MOGAT1: variants seen among roughly 807,000 people sequenced by gnomAD.
MOGAT1 encodes the protein 2-acylglycerol O-acyltransferase 1.
A neutral mutation model predicts 31.4 loss-of-function variants in MOGAT1; 32 were observed. The observed-to-expected ratio is 1.02, with a 90% CI of 0.77 to 1.37. MOGAT1 has a LOEUF of 1.37. MOGAT1 is among the 40% of genes most tolerant of loss of function. The pLI is 0.00. For missense variants in MOGAT1, 426 were observed against 402.0 expected (o/e 1.06, Z -0.51); for synonymous variants, 145 against 144.5 (o/e 1.00, Z -0.03).
At position 222,709,797 on chromosome 2, in the gene MOGAT1, AC is replaced by A; in HGVS notation, c.916del (p.His306IlefsTer29). 6.2e-7 allele frequency: 1 copy of A among 1,613,638 alleles called. No homozygotes were observed. Among genetic ancestry groups the A allele is most frequent in the Non-Finnish European group, 8.5e-7 (1 of 1,179,672 alleles). On this transcript the variant is annotated frameshift_variant, in exon 6 of 6. Coordinates refer to ENST00000446656, the MANE Select transcript of MOGAT1 (RefSeq NM_058165.3). LOFTEE classifies it high-confidence loss of function. ...CGACCCAGGAGCAGATTGAGGAGTT[AC>A]ATCAGACCTATATGGAGGAACTTAG... ...NPTQEQIEEL[H>X]QTYMEELRKL...
At chr2:222,690,672 C>T (rs1348288172) in intron 3 of MOGAT1, among the ~76,000 whole-genome samples, 1 of 152,182 alleles carries the variant, frequency 6.6e-6, no homozygotes. Flanking sequence ...TCACTAAGCA[C>T]CCAGGTACCA....
At chr2:222,707,714 T>C (rs1693027494) in intron 5 of MOGAT1, among the ~76,000 whole-genome samples, 1 of 152,220 alleles carries the variant, frequency 6.6e-6, no homozygotes, top group East Asian at 1.9e-4. Context: ...GAAAACCACA[T>C]GAGCTTTTCA....
At chr2:222,692,759 T>C (rs971191845) in intron 3 of MOGAT1, among the ~76,000 whole-genome samples, 1 of 151,886 alleles carries the variant, frequency 6.6e-6, no homozygotes, top group African/African-American at 2.4e-5. Context: ...CCCTAAGAAA[T>C]AGCAGCATTG....
chr2:222,681,604 T>A (rs1177054318), intron 1 of MOGAT1, among the ~76,000 whole-genome samples: 1 of 152,154 alleles, frequency 6.6e-6, no homozygotes, highest in Non-Finnish European at 1.5e-5. Context: ...GTTACTAACA[T>A]GATCAGTCAC....
chr2:222,674,070 T>G (rs1443534042), intron 1 of MOGAT1, among the ~76,000 whole-genome samples: 1 of 152,174 alleles, frequency 6.6e-6, no homozygotes, highest in East Asian at 1.9e-4. Context: ...ATGAAGGAAC[T>G]AGGAGATAAA....
chr2:222,674,183 T>C (rs1414109661), intron 1 of MOGAT1, among the ~76,000 whole-genome samples: 2 of 152,344 alleles, frequency 1.3e-5, no homozygotes, highest in Admixed American at 1.3e-4. Flanking sequence ...CTCAATGACC[T>C]GTGTCTAATT....
intron 5 of MOGAT1, among the ~76,000 whole-genome samples, chr2:222,701,260 A>G (rs914249050): frequency 2.1e-5 from 3 of 145,180 alleles, no homozygotes; most frequent in Non-Finnish European, 4.5e-5. Flanking sequence ...ACTGTCTTGA[A>G]AGAAAGAGAG....
In MOGAT1 at chr2:222,694,246, G is replaced by A. The variant is rs1692808386; in HGVS notation, c.479-116G>A. 6.6e-6 allele frequency: 6 copies of A among 914,488 alleles called. No homozygotes were observed. The African/African-American group carries it at 6.8e-5, about 10-fold the overall frequency. 56.6% of individuals were successfully genotyped at this position (914,488 alleles called of 1,614,324 possible). A position where few individuals can be genotyped will look rare whatever the true frequency, so the allele number is the denominator to read the frequency against. ...TTACAAACTTACAAAGTGCTCCAAA[G>A]GTAAGCAGTGTAGGAAATTTTGTTA... On this transcript the variant is annotated intron_variant, in intron 3 of 5. Transcript: ENST00000446656.
intron 1 of MOGAT1, among the ~76,000 whole-genome samples, chr2:222,682,118 CCACACA>C (rs10572442): frequency 4.0e-5 from 6 of 150,858 alleles, no homozygotes; most frequent in African/African-American, 7.3e-5. Flanking sequence ...CTCCCTCTCA[CCACACA>C]CACACACACA....
At chr2:222,688,548 T>C (rs376863058) in intron 2 of MOGAT1, 26 bp downstream of exon 2, 114 of 1,524,848 alleles carry the variant, frequency 7.5e-5, no homozygotes, top group Non-Finnish European at 3.2e-5. Flanking sequence ...TTATAAAGTA[T>C]TATTTTGATT....
chr2:222,700,922 C>T (rs928298903), intron 5 of MOGAT1, among the ~76,000 whole-genome samples: 1 of 152,188 alleles, frequency 6.6e-6, no homozygotes, highest in Non-Finnish European at 1.5e-5. Flanking sequence ...CATCTCAGAG[C>T]GGCAAGTTAT....
chr2:222,703,829 GAT>G (rs955294836), intron 5 of MOGAT1, among the ~76,000 whole-genome samples: 1 of 109,038 alleles, frequency 9.2e-6, no homozygotes, highest in African/African-American at 3.2e-5. Flanking sequence ...GTAAAACAAA[GAT>G]TTTTTTTTTT....
At chr2:222,683,273 G>A (rs13389418) in intron 1 of MOGAT1, among the ~76,000 whole-genome samples, 2,365 of 152,124 alleles carry the variant, frequency 0.016, 59 homozygotes, top group African/African-American at 0.054. Flanking sequence ...GAGGAATGGG[G>A]AGTAACTGCT....
chr2:222,706,473 A>T (rs113164801), intron 5 of MOGAT1, among the ~76,000 whole-genome samples: 1 of 149,794 alleles, frequency 6.7e-6, no homozygotes. Context: ...ACTCTGTATA[A>T]AAAAAAAAAA....
chr2:222,694,096 C>T (rs1692806071), intron 3 of MOGAT1, among the ~76,000 whole-genome samples: 1 of 152,114 alleles, frequency 6.6e-6, no homozygotes, highest in South Asian at 2.1e-4. Context: ...TAGTGCACAA[C>T]CTACCTAAAC....
chr2:222,699,969 G>A (rs1417349593), intron 5 of MOGAT1, among the ~76,000 whole-genome samples: 4 of 152,184 alleles, frequency 2.6e-5, no homozygotes, highest in Non-Finnish European at 4.4e-5. Context: ...GATCAGTTAG[G>A]GTAATGGGAA....
intron 1 of MOGAT1, among the ~76,000 whole-genome samples, chr2:222,686,534 T>C (rs1266886980): frequency 3.3e-5 from 5 of 152,160 alleles, no homozygotes; most frequent in African/African-American, 1.2e-4. Flanking sequence ...TGGCAAATCA[T>C]CAGTACTCAG....
At chr2:222,699,701 T>C (rs1209000456) in intron 5 of MOGAT1, among the ~76,000 whole-genome samples, 1 of 151,946 alleles carries the variant, frequency 6.6e-6, no homozygotes, top group Non-Finnish European at 1.5e-5. Context: ...AGTTTCACTG[T>C]GTTAGCCAGG....
Position 222,695,229 on chromosome 2 carries a change from G to C in MOGAT1, c.794G>C (p.Arg265Thr), listed in dbSNP as rs1480873238. ...TTTGCTTTGCCCCTGTTTCATGCCA[G>C]GGGAGTTTTTCAGTACAATTTTGGC... ...MGFALPLFHA[R>T]GVFQYNFGLM... The change falls in exon 5 of 6, where the codon AGG becomes ACG. Residue 265 changes from arginine to threonine, a missense_variant. Arg to Thr is a moderately conservative substitution (Grantham distance 71). Coordinates refer to ENST00000446656, the MANE Select transcript of MOGAT1 (RefSeq NM_058165.3). 7 of 1,613,648 alleles carry C rather than the reference G, an allele frequency of 4.3e-6. 1 individual carries two copies. In the South Asian group the frequency reaches 7.7e-5, roughly 18 times the overall value.
Sources: gnomAD v4.1 joint callset for allele counts (sites outside exome capture counted in the v4.1 genomes callset) on GRCh38, gnomAD v4.1.1 for gene constraint, MANE v1.5 for transcripts, NCBI Gene and HGNC (gene_info 2026-07-23, HGNC 2026-07-21) for gene names.